Variants in ASB17 observed in about 807,000 individuals in gnomAD.
ASB17 encodes ankyrin repeat and SOCS box protein 17.
Under a neutral mutation model 25.7 loss-of-function variants are expected in ASB17, and 26 were observed. The observed-to-expected ratio is 1.01, with a 90% CI of 0.74 to 1.40. The LOEUF (loss-of-function observed/expected upper bound fraction) is 1.40. Ranked by LOEUF, ASB17 falls within the 40% of genes most tolerant of loss-of-function variation. ASB17 has a pLI of 0.00. For missense variants in ASB17, 326 were observed against 338.5 expected (o/e 0.96, Z 0.29); for synonymous variants, 128 against 121.4 (o/e 1.05, Z -0.36).
chr1:75,929,022 G>T (rs895470364), intron 1 of ASB17, among the ~76,000 whole-genome samples: 1 of 152,046 alleles, frequency 6.6e-6, no homozygotes, highest in African/African-American at 2.4e-5. Context: ...GAGGAGGAAG[G>T]TCCAATTGAA....
intron 2 of ASB17, among the ~76,000 whole-genome samples, chr1:75,920,075 A>G (rs957222236): frequency 1.3e-5 from 2 of 152,188 alleles, no homozygotes; most frequent in East Asian, 1.9e-4. Flanking sequence ...CTCAGGCCCT[A>G]CTCCACAAAT....
In ASB17 at chr1:75,922,182, T is replaced by C. The variant is rs1335253173; in HGVS notation, c.579A>G (p.Arg193=). The change falls in exon 2 of 3, where the codon AGA becomes AGG. Residue 193 remains arginine (R), a synonymous_variant. Transcript: ENST00000284142. ...CAGCCAATTCACGATCAACCATTACTCTTACTCTCGAAGGGTAGAGTACTA... is the reference window on the plus strand; with the variant it reads ...CAGCCAATTCACGATCAACCATTACCCTTACTCTCGAAGGGTAGAGTACTA... ...LTIVLYPSRV[R]VMVDRELADI... 1.2e-6 allele frequency: 2 copies of C among 1,613,858 alleles called. No homozygotes were observed. Among genetic ancestry groups the C allele is most frequent in the Non-Finnish European group, 1.7e-6 (2 of 1,179,796 alleles).
intron 1 of ASB17, among the ~76,000 whole-genome samples, chr1:75,929,193 T>TA (rs1347989841): frequency 6.6e-6 from 1 of 151,924 alleles, no homozygotes; most frequent in African/African-American, 2.4e-5. Flanking sequence ...ACCTTTCATG[T>TA]AGGGTTTTTA....
chr1:75,926,889 T>G lies in ASB17; in HGVS notation c.402-4530A>C, dbSNP rs531358600. 9.7e-5 allele frequency among the ~76,000 whole-genome samples: 7 copies of G among 72,068 alleles called. No homozygotes were observed. In the East Asian group the frequency reaches 0.02, roughly 201 times the overall value. The allele number at this position is 72,068 out of a possible 152,430, so 47.3% of individuals were successfully genotyped here. A position where few individuals can be genotyped will look rare whatever the true frequency, so the allele number is the denominator to read the frequency against. ...TATAGGTTTTTTAAAATATTTTATC[T>G]CGATAAGCTTGTATGACCATTTTGG... On this transcript the variant is annotated intron_variant, in intron 1 of 2. Transcript: ENST00000284142.
intron 1 of ASB17, among the ~76,000 whole-genome samples, chr1:75,931,328 A>C (rs1653316241): frequency 6.6e-6 from 1 of 152,218 alleles, no homozygotes; most frequent in African/African-American, 2.4e-5. Context: ...TAAGATCCTC[A>C]GTAGTATGCA....
chr1:75,922,492 T>A, intron 1 of ASB17, 133 bp from the exon 2 acceptor site: 53 of 325,992 alleles, frequency 1.6e-4, no homozygotes, highest in Non-Finnish European at 2.3e-4. Flanking sequence ...ATGTTTCTTT[T>A]TTTTTTTTTT....
At position 75,919,168 on chromosome 1, in the gene ASB17, A is replaced by G. The variant is rs768681369; in HGVS notation, c.682-10T>C. On this transcript the variant is annotated splice_polypyrimidine_tract_variant and intron_variant, in intron 2 of 2. Coordinates refer to ENST00000284142, the MANE Select transcript of ASB17 (RefSeq NM_080868.3). ...CTAAACTCAGCTGTGTCTGAAGAAA[A>G]GCAAAATATTTTACTTTTGTAATGT... 5 of 1,589,744 alleles carry G rather than the reference A, an allele frequency of 3.1e-6. No homozygotes were observed. Among genetic ancestry groups the G allele is most frequent in the East Asian group, 2.3e-5 (1 of 44,372 alleles).
intron 1 of ASB17, among the ~76,000 whole-genome samples, chr1:75,923,916 A>T (rs1438716834): frequency 2.0e-5 from 3 of 152,154 alleles, no homozygotes; most frequent in African/African-American, 7.2e-5. Flanking sequence ...TGAGAAGTAG[A>T]TACACAGAGA....
rs1478586194 is a variant in ASB17 at position 75,924,074 on chromosome 1, T to G, written c.402-1715A>C. 2.6e-5 allele frequency among the ~76,000 whole-genome samples: 4 copies of G among 152,084 alleles called. 1 individual carries two copies. Among genetic ancestry groups the G allele is most frequent in the Admixed American group, 2.6e-4 (4 of 15,266 alleles). ...GAGGGGTACTTAACTCTATCTGAAA[T>G]AGTCATTTCCTATAGGTTATCCAGA... On this transcript the variant is annotated intron_variant, in intron 1 of 2. Transcript: ENST00000284142.
intron 1 of ASB17, among the ~76,000 whole-genome samples, chr1:75,924,352 A>G (rs925905658): frequency 5.9e-5 from 9 of 152,140 alleles, no homozygotes; most frequent in Non-Finnish European, 8.8e-5. Context: ...TCCAAAAAGT[A>G]TAGTTGGAAA....
rs116300494 is a variant in ASB17, at chr1:75,926,214, A to G, written c.402-3855T>C. Among the ~76,000 whole-genome samples the G allele has an allele frequency of 3.1e-3, 479 of 152,360 alleles. 1 individual carries two copies. Among genetic ancestry groups the G allele is most frequent in the Non-Finnish European group, 4.6e-3 (315 of 68,030 alleles). On this transcript the variant is annotated intron_variant, in intron 1 of 2. Coordinates refer to ENST00000284142, the MANE Select transcript of ASB17 (RefSeq NM_080868.3). Reference sequence around the variant, plus strand: ...CTTATATTATAGTGAACGATTAACAACAATGTAGGATGAACACAGTAAACA... The same window carrying G: ...CTTATATTATAGTGAACGATTAACAGCAATGTAGGATGAACACAGTAAACA...
At chr1:75,929,159 G>A (rs1438583194) in intron 1 of ASB17, among the ~76,000 whole-genome samples, 2 of 152,046 alleles carry the variant, frequency 1.3e-5, no homozygotes, top group Non-Finnish European at 2.9e-5. Flanking sequence ...AATACAAGAT[G>A]GGGTTTGGGA....
chr1:75,925,827 T>C (rs1796826), intron 1 of ASB17, among the ~76,000 whole-genome samples: 1,800 of 152,312 alleles, frequency 0.012, 34 homozygotes, highest in African/African-American at 0.041. Context: ...AAAAATTTGA[T>C]AGATGCTTCT....
At chr1:75,926,611 T>C (rs1351688362) in intron 1 of ASB17, among the ~76,000 whole-genome samples, 1 of 152,190 alleles carries the variant, frequency 6.6e-6, no homozygotes, top group East Asian at 1.9e-4. Context: ...TTGGAGGTTT[T>C]GAGTAGAAGA....
At chr1:75,929,002 C>T (rs1653247104) in intron 1 of ASB17, among the ~76,000 whole-genome samples, 1 of 151,990 alleles carries the variant, frequency 6.6e-6, no homozygotes, top group Non-Finnish European at 1.5e-5. Flanking sequence ...TATACTGTGA[C>T]CTAGCTGATG....
chr1:75,932,299 T>C lies in ASB17; in HGVS notation c.-8A>G. On this transcript the variant is annotated 5_prime_UTR_variant, in exon 1 of 3. The change creates a new upstream start codon in the 5' untranslated region. Transcript: ENST00000284142. Reference sequence around the variant, plus strand: ...TTTAGTAGATTTACTCATTGTTACTTATAGCAGCACTGTAGAAATAAAATC... The same window carrying C: ...TTTAGTAGATTTACTCATTGTTACTCATAGCAGCACTGTAGAAATAAAATC... 1.3e-6 allele frequency: 2 copies of C among 1,593,506 alleles called. No individual in the cohort carries two copies. Among genetic ancestry groups the C allele is most frequent in the South Asian group, 2.3e-5 (2 of 87,220 alleles).
At chr1:75,929,062 T>G (rs950740475) in intron 1 of ASB17, among the ~76,000 whole-genome samples, 1 of 152,132 alleles carries the variant, frequency 6.6e-6, no homozygotes, top group Admixed American at 6.5e-5. Flanking sequence ...AACAGTATTA[T>G]GAGGCCTTAT....
Position 75,919,005 on chromosome 1 carries a change from A to G in ASB17, c.835T>C (p.Phe279Leu), listed in dbSNP as rs1652956065. ...AGACGAGCAGGAATTAGAAGTGAAA[A>G]TATTCCATCTGGGAGCATATTGTTG... ...LTNNMLPDGI[F>L]SLLIPARLQN... is the part of the protein sequence containing the mutation. The change falls in exon 3 of 3, where the codon TTT becomes CTT. Residue 279 changes from phenylalanine to leucine, a missense_variant. Transcript: ENST00000284142. 1 of 1,613,032 alleles carries G rather than the reference A, an allele frequency of 6.2e-7. No individual in the cohort carries two copies. The highest frequency in any genetic ancestry group is 1.3e-5 in the African/African-American group (1 of 74,908).
At chr1:75,922,775 C>T (rs954927172) in intron 1 of ASB17, among the ~76,000 whole-genome samples, 7 of 152,166 alleles carry the variant, frequency 4.6e-5, no homozygotes, top group Middle Eastern at 6.8e-3. Flanking sequence ...GGATTACAGG[C>T]GTGAGCCACT....
Sources: gnomAD v4.1 joint callset for allele counts (sites outside exome capture counted in the v4.1 genomes callset) on GRCh38, gnomAD v4.1.1 for gene constraint, MANE v1.5 for transcripts, NCBI Gene and HGNC (gene_info 2026-07-23, HGNC 2026-07-21) for gene names.